STX1A: variants seen among roughly 807,000 people sequenced by gnomAD.
STX1A encodes the protein syntaxin 1A, also known as syntaxin-1A.
Under a neutral mutation model 37.8 loss-of-function variants are expected in STX1A, and 4 were observed. The observed-to-expected ratio is 0.11, with a 90% CI of 0.05 to 0.24. STX1A has a LOEUF of 0.24. STX1A is among the 10% of genes least tolerant of loss of function. The pLI is 1.00. For synonymous variants in STX1A, 135 were observed against 147.4 expected (o/e 0.92, Z 0.61); for missense variants, 251 against 399.9 (o/e 0.63, Z 3.18).
intron 1 of STX1A, among the ~76,000 whole-genome samples, chr7:73,719,189 C>T (rs1341605638): frequency 6.6e-6 from 1 of 151,936 alleles, no homozygotes; most frequent in Admixed American, 6.6e-5. Flanking sequence ...CCACCGCGGT[C>T]CCCTCGTCTG....
At chr7:73,701,116 G>T in intron 8 of STX1A, 1 of 617,562 alleles carries the variant, frequency 1.6e-6, no homozygotes, top group Non-Finnish European at 2.8e-6. Flanking sequence ...ACCATGCAGA[G>T]AACACTGTCA....
At chr7:73,704,281 G>A (rs782556908) in intron 5 of STX1A, 25 bp from the exon 6 acceptor site, 1 of 1,613,942 alleles carries the variant, frequency 6.2e-7, no homozygotes, top group South Asian at 1.1e-5. Context: ...TGGAGGTGCA[G>A]GGGTCAGGCC....
At position 73,704,506 on chromosome 7, in the gene STX1A, T is replaced by C. The variant is rs1554616518; in HGVS notation, c.284-83A>G. ...CCGCACACCCAGCATCTATCCACCTTCCCACATCCCCTAGGGTATGTGTGT... is the reference window on the plus strand; with the variant it reads ...CCGCACACCCAGCATCTATCCACCTCCCCACATCCCCTAGGGTATGTGTGT... On this transcript the variant is annotated intron_variant, in intron 4 of 9. Coordinates refer to ENST00000222812, the MANE Select transcript of STX1A (RefSeq NM_004603.4). 1.2e-5 allele frequency: 19 copies of C among 1,544,100 alleles called. No homozygotes were observed. The African/African-American group carries it at 1.5e-4, about 12-fold the overall frequency.
chr7:73,709,186 GC>G lies in STX1A; in HGVS notation c.31-65del. The G allele has an allele frequency of 6.4e-7, 1 of 1,551,958 alleles. No homozygotes were observed. The highest frequency in any genetic ancestry group is 8.8e-7 in the Non-Finnish European group (1 of 1,135,120). On this transcript the variant is annotated intron_variant, in intron 1 of 9. Transcript: ENST00000222812. This position sits in a 1 kb window ranked among gnomAD's most constrained non-coding sequence, Gnocchi z 4.2. Reference sequence around the variant, plus strand: ...AGGACCCACCTGTACACACGCAGGTGCCCAGGGTACAGCGCCAGGGCCCTGC... The same window carrying G: ...AGGACCCACCTGTACACACGCAGGTGCCAGGGTACAGCGCCAGGGCCCTGC...
chr7:73,706,555 C>T lies in STX1A; in HGVS notation c.209-1331G>A, dbSNP rs535297046. 6.8e-4 allele frequency among the ~76,000 whole-genome samples: 104 copies of T among 152,222 alleles called. No homozygotes were observed. Among genetic ancestry groups the T allele is most frequent in the African/African-American group, 2.2e-3 (90 of 41,534 alleles). On this transcript the variant is annotated intron_variant, in intron 3 of 9. Coordinates refer to ENST00000222812, the MANE Select transcript of STX1A (RefSeq NM_004603.4). The surrounding 1 kb of genome is among the most constrained non-coding windows in gnomAD (Gnocchi z 4.6). ...CGCCAGGTCTCAACTGCTCAGCTCA[C>T]GGGTGGTGACTCAGAACCGGTCCCT...
Position 73,700,136 on chromosome 7 carries a change from T to A in STX1A, c.*271A>T. The A allele has an allele frequency of 1.9e-6, 1 of 530,914 alleles. No homozygotes were observed. Among genetic ancestry groups the A allele is most frequent in the Admixed American group, 3.3e-5 (1 of 30,220 alleles). The allele number at this position is 530,914 out of a possible 1,614,324, so 32.9% of individuals were successfully genotyped here. The stretch of plus-strand genomic sequence containing the variant: ...GTGGCCTGTGTCACCCTGGCGGCCC[T>A]GCCTGGGTCTGCTCCTCGCTGTGCA... On this transcript the variant is annotated 3_prime_UTR_variant, in exon 10 of 10. Transcript: ENST00000222812. This position sits in a 1 kb window ranked among gnomAD's most constrained non-coding sequence, Gnocchi z 4.4.
intron 6 of STX1A, 69 bp downstream of exon 6, chr7:73,704,079 C>T (rs1563570002): frequency 6.7e-7 from 1 of 1,491,914 alleles, no homozygotes; most frequent in Non-Finnish European, 9.0e-7. Flanking sequence ...GAGCCACGCA[C>T]TCAGCAGCAG....
intron 1 of STX1A, among the ~76,000 whole-genome samples, chr7:73,711,845 G>C (rs1425610169): frequency 5.3e-5 from 8 of 152,116 alleles, no homozygotes; most frequent in African/African-American, 1.9e-4. Context: ...TGCCCTCAGA[G>C]ACCCCTGGCA....
At chr7:73,711,859 G>A (rs1452323962) in intron 1 of STX1A, among the ~76,000 whole-genome samples, 5 of 152,136 alleles carry the variant, frequency 3.3e-5, no homozygotes, top group Admixed American at 6.6e-5. Flanking sequence ...CCTGGCACCT[G>A]TCTGGTGCCT....
chr7:73,709,116 C>T lies in STX1A; in HGVS notation c.37G>A (p.Asp13Asn). The T allele has an allele frequency of 6.2e-7, 1 of 1,613,370 alleles. No individual in the cohort carries two copies. The highest frequency in any genetic ancestry group is 1.1e-5 in the South Asian group (1 of 91,076). ...DRTQELRTAKDSDDDDDVAVT... is the reference protein window; with the variant it reads ...DRTQELRTAKNSDDDDDVAVT... ...GCGACATCATCATCATCATCGCTGT[C>T]CTTGGCCTGTGCGGGGTTGTGCACA... The change falls in exon 2 of 10, where the codon GAC becomes AAC. Residue 13 changes from aspartate (D) to asparagine (N), a missense_variant. Physicochemically the swap from Asp to Asn is conservative, Grantham distance 23 (BLOSUM62 1). Transcript: ENST00000222812. The surrounding 1 kb of genome is among the most constrained non-coding windows in gnomAD (Gnocchi z 4.2).
In STX1A at chr7:73,700,240, C is replaced by T. The variant is rs539539620; in HGVS notation, c.*167G>A. The stretch of plus-strand genomic sequence containing the variant: ...ACACTCACAGAGATCATGCACACGA[C>T]ACGGGGCGGGGACGGAGGGCCCATG... On this transcript the variant is annotated 3_prime_UTR_variant, in exon 10 of 10. Transcript: ENST00000222812. This position sits in a 1 kb window ranked among gnomAD's most constrained non-coding sequence, Gnocchi z 4.4. The T allele has an allele frequency of 1.2e-5, 8 of 661,328 alleles. No individual in the cohort carries two copies. In the African/African-American group the frequency reaches 1.3e-4, roughly 10 times the overall value. 41.0% of individuals were successfully genotyped at this position (661,328 alleles called of 1,614,324 possible). A position where few individuals can be genotyped will look rare whatever the true frequency, so the allele number is the denominator to read the frequency against.
At chr7:73,712,487 T>C (rs1799139801) in intron 1 of STX1A, among the ~76,000 whole-genome samples, 1 of 151,744 alleles carries the variant, frequency 6.6e-6, no homozygotes, top group South Asian at 2.1e-4. Flanking sequence ...CAAATCAGTA[T>C]CTCGCACCTT....
chr7:73,705,108 C>T lies in STX1A; in HGVS notation c.283+42G>A. On this transcript the variant is annotated intron_variant, in intron 4 of 9. Transcript: ENST00000222812. The surrounding 1 kb of genome is among the most constrained non-coding windows in gnomAD (Gnocchi z 5.2). Reference sequence around the variant, plus strand: ...CCATGGGCTCCGCAGAGGAAGCAGGCCTAGAATGCCCCCCACCCACCCCCA... The same window carrying T: ...CCATGGGCTCCGCAGAGGAAGCAGGTCTAGAATGCCCCCCACCCACCCCCA... 6.3e-7 allele frequency: 1 copy of T among 1,592,278 alleles called. No homozygotes were observed. Among genetic ancestry groups the T allele is most frequent in the Non-Finnish European group, 8.6e-7 (1 of 1,160,248 alleles).
In STX1A at chr7:73,700,856, C is replaced by G. The variant is rs1554615761; in HGVS notation, c.679-16G>C. ...TCATCTCTCCCTGCGGGGCCGGGGGCACCCGAGCTCCAGAGGGCCCCCTCC... is the reference window on the plus strand; with the variant it reads ...TCATCTCTCCCTGCGGGGCCGGGGGGACCCGAGCTCCAGAGGGCCCCCTCC... On this transcript the variant is annotated splice_polypyrimidine_tract_variant and intron_variant, in intron 8 of 9. Transcript: ENST00000222812. This position sits in a 1 kb window ranked among gnomAD's most constrained non-coding sequence, Gnocchi z 4.4. 2.5e-6 allele frequency: 4 copies of G among 1,611,960 alleles called. No homozygotes were observed. The highest frequency in any genetic ancestry group is 1.7e-5 in the Admixed American group (1 of 59,974).
chr7:73,715,964 T>C (rs1799275561), intron 1 of STX1A, among the ~76,000 whole-genome samples: 1 of 152,136 alleles, frequency 6.6e-6, no homozygotes, highest in Non-Finnish European at 1.5e-5. Flanking sequence ...AGCCTGCCCC[T>C]TCACAGGGCC....
chr7:73,704,035 A>T, intron 6 of STX1A, 113 bp downstream of exon 6: 1 of 1,098,860 alleles, frequency 9.1e-7, no homozygotes, highest in Non-Finnish European at 1.2e-6. Flanking sequence ...GCCTCGGGCC[A>T]CCCGCCTCGG....
rs1333991998 is a variant in STX1A at position 73,700,801 on chromosome 7, C to T, written c.718G>A (p.Ala240Thr). The change falls in exon 9 of 10, where the codon GCG becomes ACG. Residue 240 changes from alanine to threonine, a missense_variant. Physicochemically the swap from Ala to Thr is moderately conservative, Grantham distance 58. Around this residue, in one of 2 missense-constraint regions of STX1A, gnomAD observed 214 missense variants for 367.6 expected, o/e 0.58. Coordinates refer to ENST00000222812, the MANE Select transcript of STX1A (RefSeq NM_004603.4). This position sits in a 1 kb window ranked among gnomAD's most constrained non-coding sequence, Gnocchi z 4.4. ...IDRIEYNVEHAVDYVERAVSD... is the reference protein window; with the variant it reads ...IDRIEYNVEHTVDYVERAVSD... ...ACGGCCCTCTCCACATAGTCTACCG[C>T]GTGTTCCACATTGTACTCGATCCTG... The T allele has an allele frequency of 2.5e-6, 4 of 1,613,682 alleles. No homozygotes were observed. Among genetic ancestry groups the T allele is most frequent in the East Asian group, 2.2e-5 (1 of 44,852 alleles).
chr7:73,719,617 G>C lies in STX1A; in HGVS notation c.15C>G (p.Thr5=). 2 of 1,204,360 alleles carry C rather than the reference G, an allele frequency of 1.7e-6. No individual in the cohort carries two copies. The highest frequency in any genetic ancestry group is 2.1e-6 in the Non-Finnish European group (2 of 964,950). The allele number at this position is 1,204,360 out of a possible 1,614,324, so 74.6% of individuals were successfully genotyped here. MKDR[T]QELRTAKDSD... ...CCGGACTCACCGTGCGGAGCTCCTG[G>C]GTTCGGTCCTTCATGCTCCCGGGAG... The change falls in exon 1 of 10, where the codon ACC becomes ACG. Residue 5 remains threonine, a synonymous_variant. Transcript: ENST00000222812.
At position 73,706,169 on chromosome 7, in the gene STX1A, G is replaced by A. The variant is rs1215723148; in HGVS notation, c.209-945C>T. On this transcript the variant is annotated intron_variant, in intron 3 of 9. Coordinates refer to ENST00000222812, the MANE Select transcript of STX1A (RefSeq NM_004603.4). The surrounding 1 kb of genome is among the most constrained non-coding windows in gnomAD (Gnocchi z 4.6). ...CCCTGGGGCTGGGGTTTGTCCTAGA[G>A]GGGACAGGGAGGGGTGTTGAGAGTG... is the stretch of plus-strand genomic sequence containing the variant. 3.3e-5 allele frequency among the ~76,000 whole-genome samples: 5 copies of A among 152,080 alleles called. No homozygotes were observed. Among genetic ancestry groups the A allele is most frequent in the South Asian group, 2.1e-4 (1 of 4,828 alleles).
Sources: allele counts gnomAD v4.1 joint callset (sites outside exome capture counted in the v4.1 genomes callset), GRCh38; gene constraint gnomAD v4.1.1; regional missense constraint gnomAD v4.1.1; non-coding constraint Gnocchi (gnomAD v3.1); transcripts MANE v1.5; gene names NCBI Gene and HGNC (gene_info 2026-07-23, HGNC 2026-07-21).